Variants in PLEC observed in about 807,000 individuals in gnomAD.
PLEC encodes plectin.
Under a neutral mutation model 392.8 loss-of-function variants are expected in PLEC, and 216 were observed. That is an observed-to-expected ratio of 0.55 (90% CI 0.49 to 0.62). The LOEUF is 0.62. Among genes scored for constraint, PLEC ranks in the 20% least tolerant of loss-of-function variants. The pLI is 0.00. For missense variants in PLEC, 6,863 were observed against 6,563.4 expected (o/e 1.05, Z -1.58); for synonymous variants, 3,621 against 2,980.6 (o/e 1.21, Z -7.00).
upstream of PLEC, among the ~76,000 whole-genome samples, chr8:143,944,163 C>T (rs968296281): frequency 4.6e-5 from 7 of 152,042 alleles, 1 homozygote; most frequent in South Asian, 8.3e-4. Context: ...GGGCTACTGA[C>T]GCTCAAGGTT....
chr8:143,924,442 G>C lies in PLEC; in HGVS notation c.5487C>G (p.Ala1829=). Residue 1829 remains alanine (A), a synonymous_variant, in exon 31 of 32, where the codon GCC becomes GCG. Coordinates refer to ENST00000345136, the MANE Select transcript of PLEC (RefSeq NM_201384.3). ...LAEEDAARQR[A]EAERVLAEKL... ...TCTCCGCAAGCACCCGCTCCGCCTCGGCCCGCTGCCGCGCCGCGTCTTCCT... is the reference window on the plus strand; with the variant it reads ...TCTCCGCAAGCACCCGCTCCGCCTCCGCCCGCTGCCGCGCCGCGTCTTCCT... 6.4e-7 allele frequency: 1 copy of C among 1,569,590 alleles called. No homozygotes were observed. The highest frequency in any genetic ancestry group is 8.6e-7 in the Non-Finnish European group (1 of 1,166,710).
At chr8:143,956,339 AGGAGGATCACTTGATCCTG>A (rs1418890426), upstream of PLEC, among the ~76,000 whole-genome samples, 1 of 152,228 alleles carries the variant, frequency 6.6e-6, no homozygotes, top group African/African-American at 2.4e-5. Flanking sequence ...AGGCTGAGAC[AGGAGGATCACTTGATCCTG>A]GGAATTCAGG....
rs1277360162 is a variant in PLEC, at chr8:143,967,626, A to G, written c.70+5777T>C. 2.0e-5 allele frequency among the ~76,000 whole-genome samples: 3 copies of G among 152,074 alleles called. No homozygotes were observed. The East Asian group carries it at 5.8e-4, about 29-fold the overall frequency. On this transcript the variant is annotated intron_variant, in intron 1 of 31. Transcript: ENST00000356346. ...CCACAGATGCTCAAGTCCCTGATGT[A>G]AAAAGGTGTAGTAGCCAGGCATGGC... is the stretch of plus-strand genomic sequence containing the variant.
At chr8:143,945,542 T>C (rs1831335855) in intron 1 of PLEC, among the ~76,000 whole-genome samples, 2 of 152,190 alleles carry the variant, frequency 1.3e-5, no homozygotes, top group African/African-American at 4.8e-5. Context: ...AGAATGCACG[T>C]TGACGGTATA....
Position 143,920,539 on chromosome 8 carries a change from C to T in PLEC, c.9282G>A (p.Lys3094=), listed in dbSNP as rs1554682151. ...TCACAGCCTTCTCGGCTGATAGCAGCTTCTCATGAAACTCGGGGCCCACCA... is the reference window on the plus strand; with the variant it reads ...TCACAGCCTTCTCGGCTGATAGCAGTTTCTCATGAAACTCGGGGCCCACCA... ...AGLVGPEFHE[K]LLSAEKAVTG... The change falls in exon 32 of 32, where the codon AAG becomes AAA. Residue 3094 remains lysine, a synonymous_variant. Transcript: ENST00000345136. 5.0e-6 allele frequency: 8 copies of T among 1,611,608 alleles called. No homozygotes were observed. Among genetic ancestry groups the T allele is most frequent in the South Asian group, 3.3e-5 (3 of 91,036 alleles).
rs1822496641 is a variant in PLEC, at chr8:143,921,089, G to A, written c.8732C>T (p.Ser2911Phe). The A allele has an allele frequency of 6.2e-7, 1 of 1,612,014 alleles. No homozygotes were observed. The highest frequency in any genetic ancestry group is 1.6e-4 in the Middle Eastern group (1 of 6,062). The change falls in exon 32 of 32, where the codon TCT becomes TTT. Residue 2911 changes from serine to phenylalanine, a missense_variant. By Grantham distance (155) the Ser-to-Phe change is radical. Coordinates refer to ENST00000345136, the MANE Select transcript of PLEC (RefSeq NM_201384.3). ...ARDVFEKATV[S>F]APFGKFQGKT... ...GCCCTGGAACTTGCCGAACGGCGCA[G>A]ACACGGTGGCCTTCTCAAAGACGTC...
Position 143,934,412 on chromosome 8 carries a change from G to A in PLEC, c.1075C>T (p.Pro359Ser). Reference sequence around the variant, plus strand: ...TCCACATCCAGCGGGTGGTAGCCAGGGGGCACCTTGAGCTGGCCTGCTTGC... The same window carrying A: ...TCCACATCCAGCGGGTGGTAGCCAGAGGGCACCTTGAGCTGGCCTGCTTGC... Reference protein sequence around the residue: ...AVQAGQLKVPPGYHPLDVEKE... With the variant: ...AVQAGQLKVPSGYHPLDVEKE... Residue 359 changes from proline to serine, a missense_variant, in exon 11 of 32, where the codon CCT (proline) becomes TCT (serine). Physicochemically the swap from Pro to Ser is moderately conservative, Grantham distance 74 (BLOSUM62 -1). Transcript: ENST00000345136. 6 of 1,611,742 alleles carry A rather than the reference G, an allele frequency of 3.7e-6. No individual in the cohort carries two copies. Among genetic ancestry groups the A allele is most frequent in the Non-Finnish European group, 5.1e-6 (6 of 1,179,532 alleles).
At chr8:143,973,609 C>CGGGCGGGGCGGGGCGGGGCCGG (rs568200436), upstream of PLEC, 5 of 838,494 alleles carry the variant, frequency 6.0e-6, no homozygotes, top group African/African-American at 9.3e-5. The surrounding 1 kb of genome is among the most constrained non-coding windows in gnomAD (Gnocchi z 5.6). Flanking sequence ...GGATGCCCCA[C>CGGGCGGGGCGGGGCGGGGCCGG]GGGCGGGGCG....
At chr8:143,943,224 C>T (rs1325623062), upstream of PLEC, among the ~76,000 whole-genome samples, 7 of 152,228 alleles carry the variant, frequency 4.6e-5, no homozygotes, top group African/African-American at 1.7e-4. Context: ...GGCCAGAAGC[C>T]CATAATTGAG....
upstream of PLEC, among the ~76,000 whole-genome samples, chr8:143,957,574 C>A (rs1394125013): frequency 6.6e-6 from 1 of 152,202 alleles, no homozygotes; most frequent in Non-Finnish European, 1.5e-5. Context: ...TGAGCCCAGG[C>A]ACCACAGATA....
chr8:143,930,577 C>T (rs1198217157), intron 19 of PLEC, 41 bp from the exon 20 acceptor site: 46 of 1,556,446 alleles, frequency 3.0e-5, no homozygotes, highest in Non-Finnish European at 4.0e-5. Context: ...GCCATGGAGA[C>T]CCACAGGCCT....
Position 143,927,679 on chromosome 8 carries a change from G to C in PLEC, c.3487C>G (p.Leu1163Val), listed in dbSNP as rs782752742. The change falls in exon 27 of 32, where the codon CTG (leucine) becomes GTG (valine). Residue 1163 changes from leucine (L) to valine (V), a missense_variant. Transcript: ENST00000345136. ...TCCCGCTCCCCGTGCCGCTGCTGCAGTCGCTCCCCCACCTCCTGTGCCCCC... is the reference window on the plus strand; with the variant it reads ...TCCCGCTCCCCGTGCCGCTGCTGCACTCGCTCCCCCACCTCCTGTGCCCCC... ...LRGAQEVGER[L>V]QQRHGERDVE... 3 of 1,581,466 alleles carry C rather than the reference G, an allele frequency of 1.9e-6. No homozygotes were observed. Among genetic ancestry groups the C allele is most frequent in the Non-Finnish European group, 1.7e-6 (2 of 1,163,508 alleles).
chr8:143,939,300 C>G (rs372222397), intron 1 of PLEC, 50 bp downstream of exon 1: 1 of 1,578,214 alleles, frequency 6.3e-7, no homozygotes, highest in East Asian at 2.3e-5. Flanking sequence ...GCCTTCCTCC[C>G]GCAGGGGCCC....
At chr8:143,931,458 A>G (rs1434403891) in intron 19 of PLEC, 76 bp downstream of exon 19, 18 of 1,508,088 alleles carry the variant, frequency 1.2e-5, no homozygotes, top group Non-Finnish European at 1.4e-5. Flanking sequence ...GTTGCCCCCT[A>G]GTCTCCAGAG....
chr8:143,953,056 T>A (rs1471952994), upstream of PLEC, among the ~76,000 whole-genome samples: 3 of 91,480 alleles, frequency 3.3e-5, no homozygotes, highest in East Asian at 1.0e-3. Context: ...CACACACCCC[T>A]GCGCCAGGGT....
Position 143,919,126 on chromosome 8 carries a change from CCTT to C in PLEC, c.10692_10694del (p.Arg3565del). The C allele has an allele frequency of 4.3e-6, 7 of 1,613,192 alleles. No homozygotes were observed. Among genetic ancestry groups the C allele is most frequent in the Non-Finnish European group, 5.9e-6 (7 of 1,180,028 alleles). On this transcript the variant is annotated inframe_deletion, in exon 32 of 32. Transcript: ENST00000345136. ...TGTCGATCTGTGTCTCTTCAAATGCCCTTCTTGTCTCCTCCTCAGTGTACACCT... is the reference window on the plus strand; with the variant it reads ...TGTCGATCTGTGTCTCTTCAAATGCCCTTGTCTCCTCCTCAGTGTACACCT...
Position 143,931,575 on chromosome 8 carries a change from C to G in PLEC, c.2263G>C (p.Ala755Pro). 6.3e-7 allele frequency: 1 copy of G among 1,597,320 alleles called. No individual in the cohort carries two copies. The highest frequency in any genetic ancestry group is 8.5e-7 in the Non-Finnish European group (1 of 1,172,212). ...AGGTCCTCCAGCCGGGTGACGGTGG[C>G]GGAGCGATCACAACTGTATTTCCTA... ...LRRKYSCDRS[A>P]TVTRLEDLLQ... Residue 755 changes from alanine to proline, a missense_variant, in exon 19 of 32, where the codon GCC (alanine) becomes CCC (proline). Coordinates refer to ENST00000345136, the MANE Select transcript of PLEC (RefSeq NM_201384.3).
chr8:143,930,659 G>A (rs1379437647), intron 19 of PLEC, 123 bp from the exon 20 acceptor site: 2 of 1,001,926 alleles, frequency 2.0e-6, no homozygotes, highest in East Asian at 2.6e-5. Flanking sequence ...GGCAGCACTT[G>A]GAAGCAGGAG....
chr8:143,921,596 G>A lies in PLEC; in HGVS notation c.8225C>T (p.Pro2742Leu), dbSNP rs782436549. The A allele has an allele frequency of 5.6e-6, 9 of 1,612,744 alleles. No homozygotes were observed. Among genetic ancestry groups the A allele is most frequent in the Non-Finnish European group, 7.6e-6 (9 of 1,179,698 alleles). Reference sequence around the variant, plus strand: ...GACGGTCAGCCGCCGGTTCCGCACAGGGTCCAGCAGGAAGCCTGAGGCCGC... The same window carrying A: ...GACGGTCAGCCGCCGGTTCCGCACAAGGTCCAGCAGGAAGCCTGAGGCCGC... ...AQAASGFLLDPVRNRRLTVNE... is the reference protein window; with the variant it reads ...AQAASGFLLDLVRNRRLTVNE... The change falls in exon 32 of 32, where the codon CCT becomes CTT. Residue 2742 changes from proline to leucine, a missense_variant. Physicochemically the swap from Pro to Leu is moderately conservative, Grantham distance 98. Transcript: ENST00000345136.
Sources: allele counts gnomAD v4.1 joint callset (sites outside exome capture counted in the v4.1 genomes callset), GRCh38; gene constraint gnomAD v4.1.1; non-coding constraint Gnocchi (gnomAD v3.1); transcripts MANE v1.5; gene names NCBI Gene and HGNC (gene_info 2026-07-23, HGNC 2026-07-21).